The following GALNT9 variants were observed in gnomAD, a reference collection of about 807,000 sequenced individuals.
GALNT9 encodes the protein polypeptide N-acetylgalactosaminyltransferase 9.
In GALNT9, 47 loss-of-function variants were observed where a neutral mutation model predicts 63.1. The observed-to-expected ratio is 0.75, with a 90% CI of 0.59 to 0.95. GALNT9 has a LOEUF of 0.95. Among genes scored for constraint, GALNT9 ranks in the 40% least tolerant of loss-of-function variants. GALNT9 has a pLI of 0.00. For synonymous variants in GALNT9, 396 were observed against 365.7 expected, an observed-to-expected ratio of 1.08 and a Z score of -0.94; for missense variants, 829 against 874.8, an observed-to-expected ratio of 0.95 and a Z score of 0.66.
In GALNT9 at chr12:132,301,694, G is replaced by C. The variant is rs549827393; in HGVS notation, c.239-15264C>G. 4.3e-4 allele frequency among the ~76,000 whole-genome samples: 66 copies of C among 152,390 alleles called. No homozygotes were observed. In the Middle Eastern group the frequency reaches 0.014, roughly 31 times the overall value. On this transcript the variant is annotated intron_variant, in intron 1 of 10. Coordinates refer to ENST00000328957, the MANE Select transcript of GALNT9 (RefSeq NM_001122636.2). ...GACCTGGGGCCCCACTCGCTGGCCAGAGAGGGAGGCCAAGCCCTCCCTGGC... is the reference window on the plus strand; with the variant it reads ...GACCTGGGGCCCCACTCGCTGGCCACAGAGGGAGGCCAAGCCCTCCCTGGC...
intron 1 of GALNT9, among the ~76,000 whole-genome samples, chr12:132,301,077 T>A (rs1555243797): frequency 6.6e-6 from 1 of 152,274 alleles, no homozygotes; most frequent in Non-Finnish European, 1.5e-5. Flanking sequence ...GCTGCTTTTG[T>A]CACCCCCATG....
At chr12:132,207,281 C>T (rs1230295012) in intron 6 of GALNT9, among the ~76,000 whole-genome samples, 1 of 152,332 alleles carries the variant, frequency 6.6e-6, no homozygotes, top group Middle Eastern at 3.4e-3. Flanking sequence ...TCTGTCGCTT[C>T]TGCTCACAGC....
At chr12:132,217,088 G>C (rs1235583229) in intron 6 of GALNT9, among the ~76,000 whole-genome samples, 1 of 152,066 alleles carries the variant, frequency 6.6e-6, no homozygotes, top group African/African-American at 2.4e-5. Context: ...ATATTCCTTG[G>C]ATACAGTAAC....
At chr12:132,269,921 C>G (rs993302329) in intron 2 of GALNT9, among the ~76,000 whole-genome samples, 2 of 152,254 alleles carry the variant, frequency 1.3e-5, no homozygotes, top group African/African-American at 2.4e-5. Flanking sequence ...GTTCTACAAA[C>G]AGCTTTGAGG....
In GALNT9 at chr12:132,299,552, A is replaced by C. The variant is rs1203486320; in HGVS notation, c.239-13122T>G. 3.7e-5 allele frequency among the ~76,000 whole-genome samples: 5 copies of C among 135,958 alleles called. 1 individual carries two copies. The East Asian group carries it at 1.2e-3, about 33-fold the overall frequency. The allele number at this position is 135,958 out of a possible 152,430, so 89.2% of individuals were successfully genotyped here. On this transcript the variant is annotated intron_variant, in intron 1 of 10. Coordinates refer to ENST00000328957, the MANE Select transcript of GALNT9 (RefSeq NM_001122636.2). ...CATCTAACCCATCCCTGAGATAACT[A>C]AGCCACTGCTGAGATAACCCACTCC...
At chr12:132,312,068 T>C (rs1555245252) in intron 1 of GALNT9, among the ~76,000 whole-genome samples, 1 of 152,250 alleles carries the variant, frequency 6.6e-6, no homozygotes, top group Non-Finnish European at 1.5e-5. Context: ...CATTACAGAC[T>C]GGTCTTTTAA....
rs1373303563 is a variant in GALNT9, at chr12:132,296,247, G to A, written c.239-9817C>T. Among the ~76,000 whole-genome samples, 1 of 152,274 alleles carries A rather than the reference G, an allele frequency of 6.6e-6. No homozygotes were observed. Among genetic ancestry groups the A allele is most frequent in the Non-Finnish European group, 1.5e-5 (1 of 68,046 alleles). ...TAAGCCACGCAGTCTGTGGTGATCT[G>A]TCACGGCAGCCCCAAGAGATGACCG... On this transcript the variant is annotated intron_variant, in intron 1 of 10. Transcript: ENST00000328957. The surrounding 1 kb of genome is among the most constrained non-coding windows in gnomAD (Gnocchi z 4.2).
intron 1 of GALNT9, among the ~76,000 whole-genome samples, chr12:132,308,966 G>A (rs1881718068): frequency 6.6e-6 from 1 of 152,200 alleles, no homozygotes; most frequent in South Asian, 2.1e-4. Context: ...CGGCTGTGGA[G>A]CAGGGGTCAG....
chr12:132,216,637 G>T (rs559403011), intron 6 of GALNT9, among the ~76,000 whole-genome samples: 1 of 152,214 alleles, frequency 6.6e-6, no homozygotes, highest in Non-Finnish European at 1.5e-5. Flanking sequence ...TAAGATCTGC[G>T]TGCCCACGTG....
intron 6 of GALNT9, among the ~76,000 whole-genome samples, chr12:132,209,094 C>A (rs1226832838): frequency 6.6e-6 from 1 of 151,648 alleles, no homozygotes; most frequent in Non-Finnish European, 1.5e-5. Flanking sequence ...GCCATTCAAA[C>A]CACATCGTGA....
chr12:132,263,957 C>T (rs1343706884), intron 2 of GALNT9, among the ~76,000 whole-genome samples: 3 of 152,220 alleles, frequency 2.0e-5, no homozygotes, highest in African/African-American at 7.2e-5. Context: ...TGCTGAAGAA[C>T]TTGCAAGCAG....
At chr12:132,255,469 A>G (rs368015528) in intron 5 of GALNT9, among the ~76,000 whole-genome samples, 11 of 152,168 alleles carry the variant, frequency 7.2e-5, no homozygotes, top group African/African-American at 2.4e-4. Context: ...TTTAAGTCTG[A>G]TAAGAAACAT....
chr12:132,196,554 C>T lies in GALNT9; in HGVS notation c.*553G>A. 1 of 986,336 alleles carries T rather than the reference C, an allele frequency of 1.0e-6. No individual in the cohort carries two copies. Among genetic ancestry groups the T allele is most frequent in the Non-Finnish European group, 1.2e-6 (1 of 830,594 alleles). The allele number at this position is 986,336 out of a possible 1,614,324, so 61.1% of individuals were successfully genotyped here. A position where few individuals can be genotyped will look rare whatever the true frequency, so the allele number is the denominator to read the frequency against. The stretch of plus-strand genomic sequence containing the variant: ...TTTGGTCTCTGCTGAAGCAGTCGTG[C>T]CAGCCTCCTAGACACGGCCTCAGGT... On this transcript the variant is annotated 3_prime_UTR_variant, in exon 11 of 11. Transcript: ENST00000328957.
At chr12:132,264,827 C>G (rs1879538928) in intron 2 of GALNT9, among the ~76,000 whole-genome samples, 1 of 152,194 alleles carries the variant, frequency 6.6e-6, no homozygotes, top group African/African-American at 2.4e-5. Context: ...CCCGTGGATG[C>G]TGGACCAGCC....
intron 6 of GALNT9, among the ~76,000 whole-genome samples, chr12:132,243,212 C>T (rs1878514134): frequency 2.2e-5 from 3 of 136,754 alleles, no homozygotes; most frequent in African/African-American, 3.1e-5. Flanking sequence ...CGGGGCCCTC[C>T]CTATACCCAT....
At chr12:132,202,444 C>T (rs1036392238) in intron 7 of GALNT9, among the ~76,000 whole-genome samples, 2 of 152,206 alleles carry the variant, frequency 1.3e-5, no homozygotes, top group Non-Finnish European at 2.9e-5. Flanking sequence ...ATGGTCCAGC[C>T]CGGGGCCACT....
chr12:132,202,365 C>T (rs1415302679), intron 7 of GALNT9, among the ~76,000 whole-genome samples: 2 of 152,190 alleles, frequency 1.3e-5, no homozygotes, highest in Non-Finnish European at 2.9e-5. Context: ...GACACGAGTG[C>T]ACGTGTCTAC....
chr12:132,286,546 C>G lies in GALNT9; in HGVS notation c.239-116G>C. ...GCCGCTTCCCCCGGTACAAGCCCAG[C>G]AAACTCCCTGCAGATGGCAGGCTGC... On this transcript the variant is annotated intron_variant, in intron 1 of 10. Coordinates refer to ENST00000328957, the MANE Select transcript of GALNT9 (RefSeq NM_001122636.2). This position sits in a 1 kb window ranked among gnomAD's most constrained non-coding sequence, Gnocchi z 7.4. 7.1e-7 allele frequency: 1 copy of G among 1,413,258 alleles called. No individual in the cohort carries two copies. Among genetic ancestry groups the G allele is most frequent in the South Asian group, 1.5e-5 (1 of 67,066 alleles). 87.5% of individuals were successfully genotyped at this position (1,413,258 alleles called of 1,614,324 possible). A position where few individuals can be genotyped will look rare whatever the true frequency, so the allele number is the denominator to read the frequency against.
rs1181170370 is a variant in GALNT9 at position 132,286,127 on chromosome 12, T to C, written c.419+123A>G. On this transcript the variant is annotated intron_variant, in intron 2 of 10. Coordinates refer to ENST00000328957, the MANE Select transcript of GALNT9 (RefSeq NM_001122636.2). The surrounding 1 kb of genome is among the most constrained non-coding windows in gnomAD (Gnocchi z 7.4). ...CGGGCGTGGGGGGCGGTCACTTCCC[T>C]GGCGGGCGTGGGGGCCGCTCACTTC... 3.6e-5 allele frequency: 31 copies of C among 868,312 alleles called. No homozygotes were observed. The highest frequency in any genetic ancestry group is 2.8e-4 in the East Asian group (6 of 21,188). The allele number at this position is 868,312 out of a possible 1,614,324, so 53.8% of individuals were successfully genotyped here.
Sources: allele counts gnomAD v4.1 joint callset (sites outside exome capture counted in the v4.1 genomes callset), GRCh38; gene constraint gnomAD v4.1.1; non-coding constraint Gnocchi (gnomAD v3.1); transcripts MANE v1.5; gene names NCBI Gene and HGNC (gene_info 2026-07-23, HGNC 2026-07-21).